RGS7BP: variants seen among roughly 807,000 people sequenced by gnomAD.
The protein encoded by RGS7BP is regulator of G protein signaling 7-binding protein.
Under a neutral mutation model 31.3 loss-of-function variants are expected in RGS7BP, and 9 were observed. That is an observed-to-expected ratio of 0.29 (90% CI 0.17 to 0.50). The LOEUF (loss-of-function observed/expected upper bound fraction) is 0.50, where lower values mean the gene tolerates loss of function less well. RGS7BP is among the 20% of genes least tolerant of loss of function. The pLI is 0.98. For synonymous variants in RGS7BP, 115 were observed against 120.1 expected (o/e 0.96, Z 0.28); for missense variants, 274 against 322.0 (o/e 0.85, Z 1.14).
At chr5:64,574,224 A>T (rs1742365439) in intron 2 of RGS7BP, among the ~76,000 whole-genome samples, 1 of 152,188 alleles carries the variant, frequency 6.6e-6, no homozygotes, top group African/African-American at 2.4e-5. Context: ...AATAGGACAC[A>T]GTCAGAGACT....
intron 5 of RGS7BP, among the ~76,000 whole-genome samples, chr5:64,607,494 G>A (rs1743394427): frequency 6.6e-6 from 1 of 151,998 alleles, no homozygotes; most frequent in Non-Finnish European, 1.5e-5. Flanking sequence ...CTAAGTCATA[G>A]GCAGATTCAA....
At chr5:64,601,935 G>A (rs1743228426) in intron 5 of RGS7BP, among the ~76,000 whole-genome samples, 1 of 152,240 alleles carries the variant, frequency 6.6e-6, no homozygotes, top group African/African-American at 2.4e-5. Flanking sequence ...AGTGAATGCT[G>A]TGGGAGGTGT....
At chr5:64,566,424 G>A (rs768926748) in intron 2 of RGS7BP, among the ~76,000 whole-genome samples, 24 of 152,068 alleles carry the variant, frequency 1.6e-4, no homozygotes, top group African/African-American at 3.4e-4. Flanking sequence ...TTGTAAAAGC[G>A]AGACAGCAAA....
chr5:64,588,866 A>G (rs1019073859), intron 3 of RGS7BP, among the ~76,000 whole-genome samples: 4 of 152,210 alleles, frequency 2.6e-5, no homozygotes, highest in Non-Finnish European at 5.9e-5. Flanking sequence ...AGCAATTCGG[A>G]AAGAACAGAG....
Position 64,506,852 on chromosome 5 carries a change from T to G in RGS7BP, c.165+63T>G. ...TTGAGAGGGGGTGGGGGGAGTCATG[T>G]ATGTTAATCATTTGCCTGAGTGCCA... is the stretch of plus-strand genomic sequence containing the variant. On this transcript the variant is annotated intron_variant, in intron 1 of 5. Coordinates refer to ENST00000334025, the MANE Select transcript of RGS7BP (RefSeq NM_001029875.3). This position sits in a 1 kb window ranked among gnomAD's most constrained non-coding sequence, Gnocchi z 4.6. 15 of 1,445,694 alleles carry G rather than the reference T, an allele frequency of 1.0e-5. No individual in the cohort carries two copies. The highest frequency in any genetic ancestry group is 2.3e-5 in the East Asian group (1 of 43,264). The allele number at this position is 1,445,694 out of a possible 1,614,324, so 89.6% of individuals were successfully genotyped here.
chr5:64,551,182 G>A (rs1464666690), intron 2 of RGS7BP, among the ~76,000 whole-genome samples: 1 of 151,290 alleles, frequency 6.6e-6, no homozygotes, highest in East Asian at 1.9e-4. Context: ...TGCCAACACA[G>A]TGTTAAAACA....
intron 2 of RGS7BP, among the ~76,000 whole-genome samples, chr5:64,524,938 T>G (rs1252705438): frequency 6.6e-6 from 1 of 152,164 alleles, no homozygotes; most frequent in Admixed American, 6.5e-5. Flanking sequence ...TAGTGAAATG[T>G]GAGTTGGCCT....
At chr5:64,571,621 C>T (rs1193381419) in intron 2 of RGS7BP, among the ~76,000 whole-genome samples, 1 of 152,064 alleles carries the variant, frequency 6.6e-6, no homozygotes, top group Non-Finnish European at 1.5e-5. Context: ...TTCTGGTAAG[C>T]CTTTGTCATA....
intron 2 of RGS7BP, among the ~76,000 whole-genome samples, chr5:64,569,066 A>G (rs1322662450): frequency 6.6e-6 from 1 of 152,084 alleles, no homozygotes; most frequent in Non-Finnish European, 1.5e-5. Context: ...AGAAAATTCC[A>G]TTGCACTTCA....
intron 2 of RGS7BP, among the ~76,000 whole-genome samples, chr5:64,569,252 G>C (rs574240079): frequency 2.6e-5 from 4 of 151,942 alleles, no homozygotes; most frequent in East Asian, 1.9e-4. Context: ...TTCTTCAAAG[G>C]CTCCTGGTGG....
chr5:64,545,001 C>T (rs1741617981), intron 2 of RGS7BP, among the ~76,000 whole-genome samples: 1 of 151,962 alleles, frequency 6.6e-6, no homozygotes, highest in Non-Finnish European at 1.5e-5. Flanking sequence ...ATGGCGAAAA[C>T]CCCGTCTCTA....
At position 64,609,932 on chromosome 5, in the gene RGS7BP, T is replaced by C. The variant is rs1743461759; in HGVS notation, c.*680T>C. On this transcript the variant is annotated 3_prime_UTR_variant, in exon 6 of 6. Transcript: ENST00000334025. ...CCTAATACCTTCGTACAAATGCATA[T>C]GGGCAACTAATTTCTTTTTGATCCA... The C allele has an allele frequency of 6.6e-6, 1 of 152,466 alleles. No individual in the cohort carries two copies. The highest frequency in any genetic ancestry group is 1.5e-5 in the Non-Finnish European group (1 of 67,944). 9.4% of individuals were successfully genotyped at this position (152,466 alleles called of 1,614,324 possible).
At chr5:64,589,924 CAAA>C (rs77321289) in intron 3 of RGS7BP, among the ~76,000 whole-genome samples, 28 of 104,366 alleles carry the variant, frequency 2.7e-4, no homozygotes, top group Admixed American at 3.0e-4. Context: ...GACCCTGACT[CAAA>C]AAAAAAAAAA....
chr5:64,607,678 G>T (rs115983883), intron 5 of RGS7BP, among the ~76,000 whole-genome samples: 2 of 151,908 alleles, frequency 1.3e-5, no homozygotes, highest in East Asian at 3.9e-4. Context: ...CTTATCGGAC[G>T]GAAGGAGTCT....
chr5:64,545,641 A>G (rs1198739949), intron 2 of RGS7BP, among the ~76,000 whole-genome samples: 1 of 152,184 alleles, frequency 6.6e-6, no homozygotes, highest in Non-Finnish European at 1.5e-5. Context: ...AACCGGAGGA[A>G]ATTAAGTATA....
intron 2 of RGS7BP, among the ~76,000 whole-genome samples, chr5:64,519,216 A>T (rs1339143471): frequency 6.6e-6 from 1 of 152,194 alleles, no homozygotes; most frequent in African/African-American, 2.4e-5. Context: ...AAGTAAAGGT[A>T]GATCCCTCAG....
At chr5:64,533,392 AG>A (rs1299402985) in intron 2 of RGS7BP, among the ~76,000 whole-genome samples, 1 of 152,220 alleles carries the variant, frequency 6.6e-6, no homozygotes, top group Non-Finnish European at 1.5e-5. Flanking sequence ...AGCTTTGGAA[AG>A]CATATTTCAT....
chr5:64,510,535 G>A (rs1405063433), intron 2 of RGS7BP, among the ~76,000 whole-genome samples: 1 of 152,184 alleles, frequency 6.6e-6, no homozygotes, highest in African/African-American at 2.4e-5. Context: ...CCTAGGACTG[G>A]AGGCGAGAGC....
intron 2 of RGS7BP, among the ~76,000 whole-genome samples, chr5:64,527,117 A>C (rs1191225945): frequency 6.6e-6 from 1 of 152,206 alleles, no homozygotes; most frequent in Non-Finnish European, 1.5e-5. Flanking sequence ...AGAAAGAATA[A>C]TTATAGGATG....
Sources: gnomAD v4.1 joint callset for allele counts (sites outside exome capture counted in the v4.1 genomes callset) on GRCh38, gnomAD v4.1.1 for gene constraint, Gnocchi (gnomAD v3.1) non-coding constraint, MANE v1.5 for transcripts, NCBI Gene and HGNC (gene_info 2026-07-23, HGNC 2026-07-21) for gene names.